Variants in SMOC2 observed in about 807,000 individuals in gnomAD.
The protein encoded by SMOC2 is SPARC related modular calcium binding 2.
SMOC2 carries 39 observed loss-of-function variants against 61.4 expected under a neutral mutation model. The observed-to-expected ratio is 0.64, with a 90% confidence interval of 0.49 to 0.83. The LOEUF is 0.83. SMOC2 is among the 40% of genes least tolerant of loss of function. SMOC2 has a pLI of 0.00. For synonymous variants in SMOC2, 247 were observed against 239.9 expected (o/e 1.03, Z -0.27); for missense variants, 556 against 592.9 (o/e 0.94, Z 0.65).
rs1562536162 is a variant in SMOC2, at chr6:168,452,018, C to T, written c.84+10564C>T. On this transcript the variant is annotated intron_variant, in intron 1 of 12. Transcript: ENST00000356284. The surrounding 1 kb of genome is among the most constrained non-coding windows in gnomAD (Gnocchi z 5.0). ...CAGGTTCCCTGGTTCCAAGAATCCACCACAGGAGGGAGCCCCAGAATGGCT... is the reference window on the plus strand; with the variant it reads ...CAGGTTCCCTGGTTCCAAGAATCCATCACAGGAGGGAGCCCCAGAATGGCT... Among the ~76,000 whole-genome samples, 1 of 152,216 alleles carries T rather than the reference C, an allele frequency of 6.6e-6. No homozygotes were observed. Among genetic ancestry groups the T allele is most frequent in the Non-Finnish European group, 1.5e-5 (1 of 68,038 alleles).
chr6:168,514,429 T>G (rs534394776), intron 2 of SMOC2, among the ~76,000 whole-genome samples: 3 of 152,282 alleles, frequency 2.0e-5, no homozygotes, highest in Admixed American at 2.0e-4. Flanking sequence ...CGCAGGGCCA[T>G]GGGTTATGGA....
At chr6:168,658,950 G>T (rs1787399010) in intron 11 of SMOC2, among the ~76,000 whole-genome samples, 1 of 150,124 alleles carries the variant, frequency 6.7e-6, no homozygotes, top group African/African-American at 2.5e-5. Context: ...TGGTGTGTGT[G>T]GTGTGTGTGT....
At chr6:168,526,710 C>T (rs896591755) in intron 3 of SMOC2, among the ~76,000 whole-genome samples, 2 of 152,186 alleles carry the variant, frequency 1.3e-5, no homozygotes, top group African/African-American at 2.4e-5. Context: ...TTCACACTTT[C>T]ATTACTATGA....
chr6:168,614,987 C>T (rs1321665135), intron 9 of SMOC2, among the ~76,000 whole-genome samples: 2 of 33,664 alleles, frequency 5.9e-5, no homozygotes, highest in Non-Finnish European at 6.0e-5. Context: ...CTCTTCACAC[C>T]TACAGCCAGC....
chr6:168,509,278 G>T (rs1782951344), intron 1 of SMOC2, among the ~76,000 whole-genome samples: 1 of 152,222 alleles, frequency 6.6e-6, no homozygotes, highest in Admixed American at 6.5e-5. Context: ...GGATTCCTGT[G>T]CCTTAGGCAT....
chr6:168,653,696 C>T (rs1419062404), intron 11 of SMOC2, among the ~76,000 whole-genome samples: 6 of 136,712 alleles, frequency 4.4e-5, no homozygotes, highest in African/African-American at 1.5e-4. Flanking sequence ...CAACCCTCTA[C>T]CTGAGCTCCA....
intron 1 of SMOC2, among the ~76,000 whole-genome samples, chr6:168,505,123 A>T (rs1316188163): frequency 6.6e-6 from 1 of 150,392 alleles, no homozygotes; most frequent in Admixed American, 7.0e-5. Flanking sequence ...CAGATGCCAG[A>T]TGAATGACTG....
intron 1 of SMOC2, among the ~76,000 whole-genome samples, chr6:168,502,016 G>C (rs1238436823): frequency 1.3e-5 from 2 of 152,166 alleles, no homozygotes; most frequent in Non-Finnish European, 2.9e-5. Flanking sequence ...GAAGAAACCT[G>C]CTCTCTCTTC....
chr6:168,441,412 G>T lies in SMOC2; in HGVS notation c.42G>T (p.Gly14=). ...TCTGCTGGCTGCCGCTGCTCGCTGG[G>T]CTGCTCCCGCCGGTGCCCGCTCAGA... ...PQLCWLPLLA[G]LLPPVPAQKF... The change falls in exon 1 of 13, where the codon GGG becomes GGT. Residue 14 remains glycine (G), a synonymous_variant. Transcript: ENST00000356284. The T allele has an allele frequency of 6.6e-7, 1 of 1,509,564 alleles. No homozygotes were observed. Among genetic ancestry groups the T allele is most frequent in the Non-Finnish European group, 8.8e-7 (1 of 1,133,640 alleles). The allele number at this position is 1,509,564 out of a possible 1,614,324, so 93.5% of individuals were successfully genotyped here. A position where few individuals can be genotyped will look rare whatever the true frequency, so the allele number is the denominator to read the frequency against.
intron 2 of SMOC2, among the ~76,000 whole-genome samples, chr6:168,512,581 T>G (rs1783033902): frequency 6.6e-6 from 1 of 152,258 alleles, no homozygotes; most frequent in Admixed American, 6.5e-5. Flanking sequence ...GGCAGTATCA[T>G]AGCTGAATCC....
chr6:168,530,637 A>ACCCCCCCCCCCCCCCCCCCC (rs3064057), intron 4 of SMOC2, among the ~76,000 whole-genome samples: 1 of 120,190 alleles, frequency 8.3e-6, no homozygotes, highest in African/African-American at 4.1e-5. Context: ...TCACGGTGCA[A>ACCCCCCCCCCCCCCCCCCCC]CCCCCCCCCC....
chr6:168,576,081 G>C (rs1339251603), intron 7 of SMOC2, among the ~76,000 whole-genome samples: 1 of 152,092 alleles, frequency 6.6e-6, no homozygotes, highest in Non-Finnish European at 1.5e-5. Flanking sequence ...CCTTGGTCAG[G>C]TTGTGGTTGC....
intron 1 of SMOC2, among the ~76,000 whole-genome samples, chr6:168,446,356 C>A (rs1327842153): frequency 6.6e-6 from 1 of 152,188 alleles, no homozygotes; most frequent in East Asian, 1.9e-4. Flanking sequence ...GAGTGAGACT[C>A]TGTCTCAAAA....
chr6:168,585,754 T>G (rs535183927), intron 7 of SMOC2, among the ~76,000 whole-genome samples: 2 of 152,392 alleles, frequency 1.3e-5, no homozygotes, highest in African/African-American at 4.8e-5. Flanking sequence ...TGATGACGGA[T>G]GATGTTGGAC....
intron 1 of SMOC2, among the ~76,000 whole-genome samples, chr6:168,454,166 G>A (rs564672710): frequency 4.6e-5 from 7 of 152,062 alleles, no homozygotes; most frequent in Non-Finnish European, 1.0e-4. Flanking sequence ...GGGTCACTCT[G>A]TGTCCTCCTG....
At chr6:168,619,211 A>G (rs1442254354) in intron 9 of SMOC2, among the ~76,000 whole-genome samples, 6 of 152,186 alleles carry the variant, frequency 3.9e-5, no homozygotes, top group East Asian at 1.9e-4. Context: ...AAAATTCCCA[A>G]AGACAGCAGG....
chr6:168,587,842 T>G (rs998041647), intron 7 of SMOC2, among the ~76,000 whole-genome samples: 1 of 152,334 alleles, frequency 6.6e-6, no homozygotes, highest in African/African-American at 2.4e-5. Flanking sequence ...CCCTTTGGCT[T>G]CGTGACTTTG....
chr6:168,543,742 A>G, intron 5 of SMOC2, 70 bp downstream of exon 5: 1 of 1,454,296 alleles, frequency 6.9e-7, no homozygotes, highest in Non-Finnish European at 9.5e-7. Context: ...TAACTTCTCA[A>G]GTTAAAGTTG....
At chr6:168,481,527 G>A (rs1476184827) in intron 1 of SMOC2, among the ~76,000 whole-genome samples, 1 of 151,894 alleles carries the variant, frequency 6.6e-6, no homozygotes, top group Non-Finnish European at 1.5e-5. Context: ...TATATGAAAG[G>A]AAGTGAGAAA....
Sources: allele counts gnomAD v4.1 joint callset (sites outside exome capture counted in the v4.1 genomes callset), GRCh38; gene constraint gnomAD v4.1.1; non-coding constraint Gnocchi (gnomAD v3.1); transcripts MANE v1.5; gene names NCBI Gene and HGNC (gene_info 2026-07-23, HGNC 2026-07-21).